PRKN: variants seen among roughly 807,000 people sequenced by gnomAD.
PRKN encodes E3 ubiquitin-protein ligase parkin.
In PRKN, 56 loss-of-function variants were observed where a neutral mutation model predicts 59.5. That is an observed-to-expected ratio of 0.94 (90% CI 0.76 to 1.18). The LOEUF (loss-of-function observed/expected upper bound fraction) is 1.18. PRKN is among the 50% of genes most tolerant of loss of function. The pLI is 0.00. For missense variants in PRKN, 657 were observed against 596.4 expected, an observed-to-expected ratio of 1.10 and a Z score of -1.06; for synonymous variants, 250 against 222.1, an observed-to-expected ratio of 1.13 and a Z score of -1.12.
rs1248706314 is a variant in PRKN, at chr6:161,376,122, C to T, written c.1167+10672G>A. Among the ~76,000 whole-genome samples the T allele has an allele frequency of 6.6e-6, 1 of 152,158 alleles. No homozygotes were observed. The highest frequency in any genetic ancestry group is 1.5e-5 in the Non-Finnish European group (1 of 68,038). On this transcript the variant is annotated intron_variant, in intron 10 of 11. Coordinates refer to ENST00000366898, the MANE Select transcript of PRKN (RefSeq NM_004562.3). This position sits in a 1 kb window ranked among gnomAD's most constrained non-coding sequence, Gnocchi z 7.3. Reference sequence around the variant, plus strand: ...AATAGATCAAAAAAGATCTCAGCTCCCTGGAGCCACTGCTGCTTCAGTGTC... The same window carrying T: ...AATAGATCAAAAAAGATCTCAGCTCTCTGGAGCCACTGCTGCTTCAGTGTC...
At chr6:162,679,033 C>T (rs1358799551) in intron 1 of PRKN, among the ~76,000 whole-genome samples, 7 of 151,912 alleles carry the variant, frequency 4.6e-5, no homozygotes, top group African/African-American at 7.3e-5. Flanking sequence ...GCCTTGGCCT[C>T]CCAAAGTGCG....
rs1197381958 is a variant in PRKN, at chr6:162,727,700, G to C, written c.-32C>G. On this transcript the variant is annotated 5_prime_UTR_variant, in exon 1 of 12. Coordinates refer to ENST00000366898, the MANE Select transcript of PRKN (RefSeq NM_004562.3). ...TGGGTAGGTGGCGGCTGCGGGCCAG[G>C]AACAGGCCCATGCGCGCAGCGGCGC... 6.4e-7 allele frequency: 1 copy of C among 1,564,928 alleles called. No homozygotes were observed. Among genetic ancestry groups the C allele is most frequent in the Non-Finnish European group, 8.7e-7 (1 of 1,155,748 alleles).
chr6:161,508,580 C>T (rs534430179), intron 9 of PRKN, among the ~76,000 whole-genome samples: 4 of 152,292 alleles, frequency 2.6e-5, no homozygotes, highest in African/African-American at 7.2e-5. Context: ...GGTCAGCTTC[C>T]TCCGTATCAT....
chr6:161,377,937 A>C lies in PRKN; in HGVS notation c.1167+8857T>G, dbSNP rs187797278. 1.2e-3 allele frequency among the ~76,000 whole-genome samples: 185 copies of C among 152,312 alleles called. 1 individual carries two copies. Among genetic ancestry groups the C allele is most frequent in the African/African-American group, 4.3e-3 (179 of 41,574 alleles). Reference sequence around the variant, plus strand: ...AATAAATGTGTGTTGTTTATAAGCCAGCCAGTCTACGGTATTGAGTGACAG... The same window carrying C: ...AATAAATGTGTGTTGTTTATAAGCCCGCCAGTCTACGGTATTGAGTGACAG... On this transcript the variant is annotated intron_variant, in intron 10 of 11. Coordinates refer to ENST00000366898, the MANE Select transcript of PRKN (RefSeq NM_004562.3). This position sits in a 1 kb window ranked among gnomAD's most constrained non-coding sequence, Gnocchi z 4.2.
chr6:161,740,323 A>C (rs1450885028), intron 7 of PRKN, among the ~76,000 whole-genome samples: 2 of 152,168 alleles, frequency 1.3e-5, no homozygotes, highest in African/African-American at 4.8e-5. Context: ...GTCCTCGTCT[A>C]TATCAACTAC....
intron 4 of PRKN, among the ~76,000 whole-genome samples, chr6:162,122,949 G>A (rs539180473): frequency 6.6e-6 from 1 of 151,448 alleles, no homozygotes; most frequent in African/African-American, 2.4e-5. Context: ...GGCTCTGCTG[G>A]TTTAAATGTC....
In PRKN at chr6:161,390,311, C is replaced by T. The variant is rs1331253591; in HGVS notation, c.1084-3434G>A. On this transcript the variant is annotated intron_variant, in intron 9 of 11. Coordinates refer to ENST00000366898, the MANE Select transcript of PRKN (RefSeq NM_004562.3). This position sits in a 1 kb window ranked among gnomAD's most constrained non-coding sequence, Gnocchi z 7.0. ...ATATTCTAGAATTTTAAGTAAAACA[C>T]AGCATGGCTATTGAACACTATGTGA... Among the ~76,000 whole-genome samples, 1 of 152,204 alleles carries T rather than the reference C, an allele frequency of 6.6e-6. No individual in the cohort carries two copies. The highest frequency in any genetic ancestry group is 1.9e-4 in the East Asian group (1 of 5,198).
At position 161,357,959 on chromosome 6, in the gene PRKN, C is replaced by T. The variant is rs964011773; in HGVS notation, c.1285+2129G>A. The stretch of plus-strand genomic sequence containing the variant: ...CACAGCCACAGTCCATGGCAGAGTC[C>T]TAACTCCTGCAACACTGCAGTGCCG... On this transcript the variant is annotated intron_variant, in intron 11 of 11. Transcript: ENST00000366898. The surrounding 1 kb of genome is among the most constrained non-coding windows in gnomAD (Gnocchi z 5.5). 2.6e-5 allele frequency among the ~76,000 whole-genome samples: 4 copies of T among 152,230 alleles called. No individual in the cohort carries two copies. Among genetic ancestry groups the T allele is most frequent in the African/African-American group, 7.2e-5 (3 of 41,462 alleles).
intron 5 of PRKN, among the ~76,000 whole-genome samples, chr6:161,974,222 A>G (rs1583426703): frequency 6.6e-6 from 1 of 152,168 alleles, no homozygotes; most frequent in South Asian, 2.1e-4. Flanking sequence ...TGAGGTTGCA[A>G]TGAGCTGAGA....
At chr6:162,717,721 T>G (rs966807678) in intron 1 of PRKN, among the ~76,000 whole-genome samples, 1 of 152,194 alleles carries the variant, frequency 6.6e-6, no homozygotes, top group African/African-American at 2.4e-5. Context: ...CATGCCCCGA[T>G]AGTGTATAAT....
rs189875053 is a variant in PRKN at position 161,904,813 on chromosome 6, C to T, written c.734+68489G>A. Among the ~76,000 whole-genome samples the T allele has an allele frequency of 1.1e-3, 173 of 151,884 alleles. 1 individual carries two copies. Among genetic ancestry groups the T allele is most frequent in the African/African-American group, 4.0e-3 (164 of 41,400 alleles). On this transcript the variant is annotated intron_variant, in intron 6 of 11. Coordinates refer to ENST00000366898, the MANE Select transcript of PRKN (RefSeq NM_004562.3). Reference sequence around the variant, plus strand: ...CAGCAAGATGGGGTTGTGCAGAGGCCGAGCTGCAGAGACAGACCTTGAGAT... The same window carrying T: ...CAGCAAGATGGGGTTGTGCAGAGGCTGAGCTGCAGAGACAGACCTTGAGAT...
At chr6:162,368,163 G>T (rs1385225125) in intron 2 of PRKN, among the ~76,000 whole-genome samples, 1 of 152,182 alleles carries the variant, frequency 6.6e-6, no homozygotes, top group Non-Finnish European at 1.5e-5. Context: ...AGCACAAAGG[G>T]CGTGGCTGGG....
chr6:162,683,744 C>T (rs1370756636), intron 1 of PRKN, among the ~76,000 whole-genome samples: 2 of 152,002 alleles, frequency 1.3e-5, no homozygotes, highest in Non-Finnish European at 2.9e-5. Flanking sequence ...TTATAATAAT[C>T]GGTTGTCTTG....
intron 7 of PRKN, among the ~76,000 whole-genome samples, chr6:161,769,843 G>A (rs149568664): frequency 1.3e-5 from 2 of 152,152 alleles, no homozygotes; most frequent in African/African-American, 2.4e-5. Context: ...CACCTGAAAC[G>A]CCCACCCCAG....
At chr6:162,473,119 G>A (rs1791838176) in intron 1 of PRKN, among the ~76,000 whole-genome samples, 1 of 151,988 alleles carries the variant, frequency 6.6e-6, no homozygotes, top group Non-Finnish European at 1.5e-5. Flanking sequence ...ACTTGTACAA[G>A]TGTATCCTCA....
At chr6:161,517,689 G>A (rs1168212380) in intron 9 of PRKN, among the ~76,000 whole-genome samples, 13 of 132,908 alleles carry the variant, frequency 9.8e-5, no homozygotes, top group East Asian at 4.5e-4. Context: ...GCAGTGAGCC[G>A]AGATCGCGTC....
At chr6:161,750,441 C>G (rs1562654505) in intron 7 of PRKN, among the ~76,000 whole-genome samples, 1 of 151,888 alleles carries the variant, frequency 6.6e-6, no homozygotes, top group Non-Finnish European at 1.5e-5. Context: ...ATGTTTTTTT[C>G]TTCCTGACAA....
intron 8 of PRKN, among the ~76,000 whole-genome samples, chr6:161,555,724 C>G (rs562387969): frequency 1.3e-5 from 2 of 152,284 alleles, no homozygotes; most frequent in Non-Finnish European, 1.5e-5. Flanking sequence ...TTATTACAGA[C>G]TTTTGCACTC....
intron 2 of PRKN, among the ~76,000 whole-genome samples, chr6:162,282,855 G>T (rs955531676): frequency 1.5e-4 from 23 of 152,092 alleles, no homozygotes; most frequent in African/African-American, 5.6e-4. Context: ...TGGAAGAGAG[G>T]AATTTGAATG....
Sources: allele counts gnomAD v4.1 joint callset (sites outside exome capture counted in the v4.1 genomes callset), GRCh38; gene constraint gnomAD v4.1.1; non-coding constraint Gnocchi (gnomAD v3.1); transcripts MANE v1.5; gene names NCBI Gene and HGNC (gene_info 2026-07-23, HGNC 2026-07-21).